DNAAF10: variants seen among roughly 807,000 people sequenced by gnomAD.
DNAAF10 encodes WD repeat domain 92.
DNAAF10 carries 28 observed loss-of-function variants against 43.7 expected under a neutral mutation model. That is an observed-to-expected ratio of 0.64 (90% confidence interval 0.48 to 0.88). The LOEUF (loss-of-function observed/expected upper bound fraction) is 0.88. Among genes scored for constraint, DNAAF10 ranks in the 40% least tolerant of loss-of-function variants. The pLI is 0.00. For synonymous variants in DNAAF10, 156 were observed against 157.3 expected, an observed-to-expected ratio of 0.99 and a Z score of 0.06; for missense variants, 403 against 439.1, an observed-to-expected ratio of 0.92 and a Z score of 0.73.
At chr2:68,144,516 A>T in intron 3 of DNAAF10, 69 bp downstream of exon 3, 1 of 1,573,140 alleles carries the variant, frequency 6.4e-7, no homozygotes, top group Non-Finnish European at 8.6e-7. Context: ...TTACTCAGAG[A>T]GGATGTACTG....
chr2:68,148,072 A>AT (rs1259026017), intron 1 of DNAAF10, among the ~76,000 whole-genome samples: 2 of 152,228 alleles, frequency 1.3e-5, no homozygotes, highest in Non-Finnish European at 2.9e-5. Flanking sequence ...TACTATTAGT[A>AT]TGGATCAGCC....
intron 1 of DNAAF10, among the ~76,000 whole-genome samples, chr2:68,156,430 AAC>A (rs1673616105): frequency 6.6e-6 from 1 of 152,328 alleles, no homozygotes; most frequent in African/African-American, 2.4e-5. Flanking sequence ...TAACAAAATC[AAC>A]ACTTTTTAAA....
At chr2:68,138,032 G>A (rs374894867) in intron 5 of DNAAF10, among the ~76,000 whole-genome samples, 8 of 148,436 alleles carry the variant, frequency 5.4e-5, no homozygotes, top group African/African-American at 7.5e-5. Context: ...AAAATTAGCC[G>A]GGCATGGTGA....
chr2:68,144,519 A>T, intron 3 of DNAAF10, 66 bp downstream of exon 3: 1 of 1,580,908 alleles, frequency 6.3e-7, no homozygotes, highest in South Asian at 1.2e-5. Flanking sequence ...CTCAGAGAGG[A>T]TGTACTGCTG....
Position 68,138,842 on chromosome 2 carries a change from T to A in DNAAF10, c.533A>T (p.Gln178Leu). 6.2e-7 allele frequency: 1 copy of A among 1,613,422 alleles called. No homozygotes were observed. The highest frequency in any genetic ancestry group is 1.3e-5 in the African/African-American group (1 of 75,038). The change falls in exon 5 of 8, where the codon CAA becomes CTA. Residue 178 changes from glutamine to leucine, a missense_variant. By Grantham distance (113) the Gln-to-Leu change is moderately radical. Coordinates refer to ENST00000295121, the MANE Select transcript of DNAAF10 (RefSeq NM_138458.4). ...GCCAGCACAAACAACACGTTCTTCT[T>A]GATTATAAGCATTGCCTGGAAATCA... ...WTVAFGNAYN[Q>L]EERVVCAGYD... is the part of the protein sequence containing the mutation.
At chr2:68,137,951 G>A (rs1223736150) in intron 5 of DNAAF10, among the ~76,000 whole-genome samples, 1 of 150,602 alleles carries the variant, frequency 6.6e-6, no homozygotes, top group African/African-American at 2.5e-5. Context: ...AAGGCAGGCA[G>A]ATCATGAGGT....
chr2:68,134,909 T>A, intron 6 of DNAAF10, 110 bp from the exon 7 acceptor site: 3 of 1,206,404 alleles, frequency 2.5e-6, no homozygotes, highest in Non-Finnish European at 3.5e-6. Flanking sequence ...GTTATAAAAG[T>A]AATTAAGGTT....
In DNAAF10 at chr2:68,157,487, C is replaced by G. The variant is rs1673662198; in HGVS notation, c.-44G>C. ...TACGGCAACCGCCACACCCAGAGCC[C>G]CCAAAAACGGCAACCTGGAAACCAG... On this transcript the variant is annotated 5_prime_UTR_variant, in exon 1 of 8. Coordinates refer to ENST00000295121, the MANE Select transcript of DNAAF10 (RefSeq NM_138458.4). 3 of 1,613,996 alleles carry G rather than the reference C, an allele frequency of 1.9e-6. No individual in the cohort carries two copies. Among genetic ancestry groups the G allele is most frequent in the Non-Finnish European group, 2.5e-6 (3 of 1,179,886 alleles).
intron 1 of DNAAF10, among the ~76,000 whole-genome samples, chr2:68,152,148 G>A (rs1673473437): frequency 6.6e-6 from 1 of 152,126 alleles, no homozygotes; most frequent in African/African-American, 2.4e-5. Context: ...TCAGATCTCT[G>A]CCCTTTGGTT....
intron 1 of DNAAF10, among the ~76,000 whole-genome samples, chr2:68,148,368 G>A (rs1673374608): frequency 1.3e-5 from 2 of 152,136 alleles, no homozygotes; most frequent in Non-Finnish European, 2.9e-5. Flanking sequence ...AGGCAAAAGA[G>A]GATACAAAGA....
chr2:68,131,800 C>A, intron 7 of DNAAF10: 1 of 222,596 alleles, frequency 4.5e-6, no homozygotes, highest in Non-Finnish European at 9.2e-6. Context: ...TAATTTTTCT[C>A]CAGATATAGA....
At chr2:68,156,881 T>C (rs1224367215) in intron 1 of DNAAF10, 1 of 254,666 alleles carries the variant, frequency 3.9e-6, no homozygotes, top group Non-Finnish European at 7.6e-6. Context: ...TTGAACTGAG[T>C]ATCTCTCCCA....
intron 3 of DNAAF10, among the ~76,000 whole-genome samples, chr2:68,143,293 T>C (rs1259028989): frequency 6.6e-6 from 1 of 151,976 alleles, no homozygotes; most frequent in Non-Finnish European, 1.5e-5. Context: ...AAGCAAAACT[T>C]GTGTCTCAGC....
intron 6 of DNAAF10, among the ~76,000 whole-genome samples, chr2:68,136,776 A>C (rs1374487154): frequency 1.3e-5 from 2 of 152,104 alleles, no homozygotes; most frequent in African/African-American, 2.4e-5. Context: ...ACGCCATAAT[A>C]CCGCATTTCC....
chr2:68,150,357 T>G (rs1337950927), intron 1 of DNAAF10, among the ~76,000 whole-genome samples: 1 of 152,214 alleles, frequency 6.6e-6, no homozygotes, highest in Non-Finnish European at 1.5e-5. Context: ...CTGATGCATG[T>G]GTTGTTTTCA....
At chr2:68,148,027 CAG>C (rs1673364374) in intron 1 of DNAAF10, among the ~76,000 whole-genome samples, 1 of 152,128 alleles carries the variant, frequency 6.6e-6, no homozygotes, top group African/African-American at 2.4e-5. Flanking sequence ...CTTTTCAATG[CAG>C]AGAGATTTAT....
At position 68,131,405 on chromosome 2, in the gene DNAAF10, T is replaced by C; in HGVS notation, c.907A>G (p.Ile303Val). The C allele has an allele frequency of 1.2e-6, 2 of 1,614,174 alleles. No individual in the cohort carries two copies. The highest frequency in any genetic ancestry group is 2.2e-5 in the South Asian group (2 of 91,088). The change falls in exon 8 of 8, where the codon ATA (isoleucine) becomes GTA (valine). Residue 303 changes from isoleucine (I) to valine (V), a missense_variant. Physicochemically the swap from Ile to Val is conservative, Grantham distance 29. Transcript: ENST00000295121. ...IQRSKKDSEG[I>V]EMGVAGSVSL... Reference sequence around the variant, plus strand: ...ACAGAACCTGCGACTCCCATTTCTATTCCCTCAGAATCTTTCTTTGACCGC... The same window carrying C: ...ACAGAACCTGCGACTCCCATTTCTACTCCCTCAGAATCTTTCTTTGACCGC...
chr2:68,134,891 T>G, intron 6 of DNAAF10, 92 bp from the exon 7 acceptor site: 1 of 1,382,194 alleles, frequency 7.2e-7, no homozygotes, highest in Non-Finnish European at 1.0e-6. Context: ...ACAACTATAA[T>G]TTCAATGGTT....
rs1286419549 is a variant in DNAAF10 at position 68,155,970 on chromosome 2, ATTAG to A, written c.183+1287_183+1290del. 9.9e-5 allele frequency among the ~76,000 whole-genome samples: 15 copies of A among 151,948 alleles called. No homozygotes were observed. In the South Asian group the frequency reaches 1.5e-3, roughly 15 times the overall value. ...ATAAAAAAATAAAAAGTACAAAAAA[ATTAG>A]TTAGGTGTGGTGGCACACACCTGTA... On this transcript the variant is annotated intron_variant, in intron 1 of 7. Coordinates refer to ENST00000295121, the MANE Select transcript of DNAAF10 (RefSeq NM_138458.4).
Sources: gnomAD v4.1 joint callset for allele counts (sites outside exome capture counted in the v4.1 genomes callset) on GRCh38, gnomAD v4.1.1 for gene constraint, MANE v1.5 for transcripts, NCBI Gene and HGNC (gene_info 2026-07-23, HGNC 2026-07-21) for gene names.